Variants in ARK2N observed in about 807,000 individuals in gnomAD.
ARK2N encodes protein ARK2N.
chr18:46,200,138 T>C, the ARK2N span, among the ~76,000 whole-genome samples: 1 of 151,936 alleles, frequency 6.6e-6, no homozygotes, highest in Non-Finnish European at 1.5e-5. Context: ...GACCTGGTGG[T>C]TCTGTTTCTC....
At chr18:46,252,473 A>G in the ARK2N span, among the ~76,000 whole-genome samples, 1 of 151,898 alleles carries the variant, frequency 6.6e-6, no homozygotes, top group East Asian at 2.0e-4. Context: ...TGGGGTTTCA[A>G]CCATGTTGGC....
chr18:46,216,334 A>G, the ARK2N span: 5 of 1,614,112 alleles, frequency 3.1e-6, no homozygotes, highest in South Asian at 4.4e-5. The surrounding 1 kb of genome is among the most constrained non-coding windows in gnomAD (Gnocchi z 4.3). Flanking sequence ...AACTTCCACT[A>G]TGGCTGCCAA....
the ARK2N span, among the ~76,000 whole-genome samples, chr18:46,191,391 A>G: frequency 1.3e-5 from 2 of 151,066 alleles, no homozygotes; most frequent in African/African-American, 2.4e-5. Context: ...ACAAAACTTC[A>G]TCTTGTGTTG....
chr18:46,248,975 G>A, the ARK2N span, among the ~76,000 whole-genome samples: 1 of 152,092 alleles, frequency 6.6e-6, no homozygotes, highest in Non-Finnish European at 1.5e-5. Context: ...CCAGCTTCCT[G>A]TCCTTCCCTA....
chr18:46,244,028 C>A, the ARK2N span, among the ~76,000 whole-genome samples: 1 of 152,254 alleles, frequency 6.6e-6, no homozygotes, highest in East Asian at 1.9e-4. Context: ...TTTGCCAGAG[C>A]GTAGAAATTA....
At chr18:46,247,843 TG>T in the ARK2N span, among the ~76,000 whole-genome samples, 6 of 152,256 alleles carry the variant, frequency 3.9e-5, no homozygotes, top group South Asian at 1.2e-3. Flanking sequence ...GCCTAATTTT[TG>T]TATTTTTAGT....
chr18:46,258,276 C>A, the ARK2N span, among the ~76,000 whole-genome samples: 3 of 152,102 alleles, frequency 2.0e-5, no homozygotes, highest in Non-Finnish European at 4.4e-5. Context: ...ATGAGTGTTT[C>A]CCTACAATCA....
the ARK2N span, among the ~76,000 whole-genome samples, chr18:46,252,647 G>A: frequency 2.0e-5 from 3 of 151,962 alleles, no homozygotes; most frequent in Non-Finnish European, 2.9e-5. Flanking sequence ...TTTTGTATCA[G>A]ATCACAATAT....
At chr18:46,223,400 G>T in the ARK2N span, among the ~76,000 whole-genome samples, 1 of 152,196 alleles carries the variant, frequency 6.6e-6, no homozygotes, top group Admixed American at 6.5e-5. Flanking sequence ...CCGACTTCAT[G>T]AGGTTTTTGT....
chr18:46,179,959 G>C, the ARK2N span, among the ~76,000 whole-genome samples: 1 of 152,180 alleles, frequency 6.6e-6, no homozygotes, highest in African/African-American at 2.4e-5. Context: ...ACTGCTAGGA[G>C]AGGAAACTAT....
the ARK2N span, among the ~76,000 whole-genome samples, chr18:46,246,389 A>G: frequency 1.1e-4 from 17 of 152,276 alleles, no homozygotes; most frequent in African/African-American, 4.1e-4. Context: ...GAAATAGAAG[A>G]AGGAAGAGGC....
At chr18:46,210,595 T>C in the ARK2N span, among the ~76,000 whole-genome samples, 1 of 151,984 alleles carries the variant, frequency 6.6e-6, no homozygotes, top group Non-Finnish European at 1.5e-5. Context: ...AGGGATGGTA[T>C]TGGAAAATGT....
chr18:46,250,891 C>T, the ARK2N span, among the ~76,000 whole-genome samples: 11 of 152,296 alleles, frequency 7.2e-5, no homozygotes, highest in African/African-American at 2.6e-4. Context: ...CTCATCTGTG[C>T]CTACTCTTCC....
chr18:46,176,842 C>G, the ARK2N span, among the ~76,000 whole-genome samples: 1 of 152,138 alleles, frequency 6.6e-6, no homozygotes, highest in East Asian at 1.9e-4. Flanking sequence ...GTCTCGAACT[C>G]CTGACCTCAG....
chr18:46,202,451 T>A, the ARK2N span, among the ~76,000 whole-genome samples: 1 of 152,142 alleles, frequency 6.6e-6, no homozygotes, highest in African/African-American at 2.4e-5. Flanking sequence ...AATAAGATAT[T>A]CTCAAATAAC....
chr18:46,200,548 C>T, the ARK2N span, among the ~76,000 whole-genome samples: 3 of 152,204 alleles, frequency 2.0e-5, no homozygotes, highest in East Asian at 1.9e-4. Flanking sequence ...CCTCATGATC[C>T]GCCCGCCTCA....
the ARK2N span, chr18:46,218,037 T>G: frequency 2.0e-5 from 3 of 152,320 alleles, no homozygotes; most frequent in Non-Finnish European, 4.4e-5. Flanking sequence ...CTTAATACAA[T>G]ACTTACTTCC....
At chr18:46,181,949 AGATACTGACCAAAGT>A in the ARK2N span, among the ~76,000 whole-genome samples, 1 of 152,184 alleles carries the variant, frequency 6.6e-6, no homozygotes, top group Non-Finnish European at 1.5e-5. Flanking sequence ...TAGAGAAACA[AGATACTGACCAAAGT>A]GACCAGTAGA....
At chr18:46,228,374 G>T in the ARK2N span, among the ~76,000 whole-genome samples, 4 of 151,738 alleles carry the variant, frequency 2.6e-5, no homozygotes, top group African/African-American at 9.7e-5. Context: ...TTTATGATAC[G>T]ATAATTAATA....
Sources: gnomAD v4.1 joint callset for allele counts (sites outside exome capture counted in the v4.1 genomes callset) on GRCh38, gnomAD v4.1.1 for gene constraint, Gnocchi (gnomAD v3.1) non-coding constraint, MANE v1.5 for transcripts, NCBI Gene and HGNC (gene_info 2026-07-23, HGNC 2026-07-21) for gene names.